COPB2: variants seen among roughly 807,000 people sequenced by gnomAD.
COPB2 encodes the protein coat protein complex I subunit beta 2.
COPB2 carries 16 observed loss-of-function variants against 120.8 expected under a neutral mutation model. The ratio of observed to expected loss-of-function variants is 0.13; its 90% CI spans 0.09 to 0.20. The LOEUF is 0.20. Ranked by LOEUF, COPB2 falls within the 10% of genes least tolerant of loss-of-function variation. The pLI, the probability that COPB2 is intolerant of heterozygous loss-of-function variation, is 1.00. For synonymous variants in COPB2, 332 were observed against 366.3 expected, an observed-to-expected ratio of 0.91 and a Z score of 1.07; for missense variants, 794 against 1,076.5, an observed-to-expected ratio of 0.74 and a Z score of 3.67.
intron 2 of COPB2, chr3:139,380,787 A>C (rs1253198367): frequency 6.6e-6 from 1 of 152,190 alleles, no homozygotes; most frequent in African/African-American, 2.4e-5. Flanking sequence ...TAACCTGTAG[A>C]ATCACTACCA....
At chr3:139,379,201 T>C (rs781631478) in intron 3 of COPB2, 28 bp from the exon 4 acceptor site, 1 of 1,577,460 alleles carries the variant, frequency 6.3e-7, no homozygotes. Flanking sequence ...AAAACCATCA[T>C]CCCTGTTATC....
At position 139,358,002 on chromosome 3, in the gene COPB2, TAAAGG is replaced by T. The variant is rs1313516177; in HGVS notation, c.2626-49_2626-45del. The T allele has an allele frequency of 5.0e-6, 6 of 1,202,594 alleles. No homozygotes were observed. The Admixed American group carries it at 8.8e-5, about 18-fold the overall frequency. The allele number at this position is 1,202,594 out of a possible 1,614,324, so 74.5% of individuals were successfully genotyped here. On this transcript the variant is annotated intron_variant, in intron 21 of 21. Coordinates refer to ENST00000333188, the MANE Select transcript of COPB2 (RefSeq NM_004766.3). ...GGGTAATTAAGTTTTACAGTACTGTTAAAGGAAAGTTATCCGTGGGTTCATGATTC... is the reference window on the plus strand; with the variant it reads ...GGGTAATTAAGTTTTACAGTACTGTTAAAGTTATCCGTGGGTTCATGATTC...
At chr3:139,374,838 T>G (rs115052594) in intron 6 of COPB2, among the ~76,000 whole-genome samples, 2,396 of 152,322 alleles carry the variant, frequency 0.016, 74 homozygotes, top group African/African-American at 0.054. Context: ...AAGAAGGCTT[T>G]TGTCTGAATA....
chr3:139,362,278 A>G, intron 16 of COPB2, 129 bp downstream of exon 16: 3 of 508,678 alleles, frequency 5.9e-6, no homozygotes, highest in African/African-American at 1.9e-5. Context: ...AGAGAGAGAC[A>G]ATAACTTCAA....
At chr3:139,363,666 C>T (rs2107798431) in intron 15 of COPB2, among the ~76,000 whole-genome samples, 1 of 152,330 alleles carries the variant, frequency 6.6e-6, no homozygotes, top group Non-Finnish European at 1.5e-5. Flanking sequence ...TTTACCTCTT[C>T]ACCAGACTGA....
At chr3:139,372,196 G>A (rs1158950724) in intron 9 of COPB2, among the ~76,000 whole-genome samples, 1 of 152,182 alleles carries the variant, frequency 6.6e-6, no homozygotes, top group East Asian at 1.9e-4. Flanking sequence ...CTAGAACTTT[G>A]CTCATGACAT....
At chr3:139,367,293 A>T in intron 13 of COPB2, 148 bp from the exon 14 acceptor site, 2 of 693,802 alleles carry the variant, frequency 2.9e-6, no homozygotes, top group Non-Finnish European at 2.1e-6. Flanking sequence ...TTTCCTTGGA[A>T]TTTTTTTTTT....
chr3:139,365,058 A>C (rs1269531630), intron 15 of COPB2, among the ~76,000 whole-genome samples: 1 of 152,248 alleles, frequency 6.6e-6, no homozygotes, highest in Non-Finnish European at 1.5e-5. Flanking sequence ...AGTGCAGGAC[A>C]TACAACATGA....
At chr3:139,378,621 C>T (rs112436770) in intron 4 of COPB2, among the ~76,000 whole-genome samples, 4 of 152,268 alleles carry the variant, frequency 2.6e-5, no homozygotes, top group African/African-American at 9.6e-5. Context: ...TTTCAAAGAG[C>T]TATTACTAAT....
rs1470479899 is a variant in COPB2, at chr3:139,362,509, C to T, written c.1893G>A (p.Lys631=). 2.5e-6 allele frequency: 4 copies of T among 1,602,436 alleles called. No individual in the cohort carries two copies. The highest frequency in any genetic ancestry group is 1.7e-6 in the Non-Finnish European group (2 of 1,175,688). ...VAHFLEKQGF[K]QQALTVSTDP... ...CTGTGGATACTGTAAGAGCTTGCTG[C>T]TTGAAGCCCTAAACAGATTTTTAAA... The change falls in exon 16 of 22, where the codon AAG becomes AAA. Residue 631 remains lysine (K), a synonymous_variant. Transcript: ENST00000333188.
chr3:139,369,112 T>C, intron 12 of COPB2, 149 bp downstream of exon 12: 1 of 538,170 alleles, frequency 1.9e-6, no homozygotes. Context: ...TAAGAAGTTA[T>C]TTAAATTCTA....
At chr3:139,374,015 A>C (rs1941672654) in intron 7 of COPB2, among the ~76,000 whole-genome samples, 2 of 152,200 alleles carry the variant, frequency 1.3e-5, no homozygotes. Context: ...AAAAACTAAG[A>C]ATTACGATTT....
intron 10 of COPB2, among the ~76,000 whole-genome samples, chr3:139,369,933 C>A (rs1255661761): frequency 1.3e-5 from 2 of 152,136 alleles, no homozygotes; most frequent in African/African-American, 2.4e-5. Flanking sequence ...TTATACTGAA[C>A]AAAAGATGCT....
intron 14 of COPB2, 73 bp from the exon 15 acceptor site, chr3:139,366,848 C>A (rs1941527597): frequency 6.5e-7 from 1 of 1,533,530 alleles, no homozygotes; most frequent in Non-Finnish European, 8.9e-7. Flanking sequence ...GCCAATCTCC[C>A]TCTTGCTCAA....
rs1941768331 is a variant in COPB2, at chr3:139,379,366, TATTA to T, written c.228+10_228+13del. The T allele has an allele frequency of 6.2e-7, 1 of 1,610,910 alleles. No homozygotes were observed. Among genetic ancestry groups the T allele is most frequent in the East Asian group, 2.2e-5 (1 of 44,846 alleles). ...TTCAGAAAATGGGAATAGAGATTCA[TATTA>T]ATTACTTACCGCTCCTGTCACAACC... is the stretch of plus-strand genomic sequence containing the variant. On this transcript the variant is annotated intron_variant, in intron 3 of 21. Transcript: ENST00000333188.
In COPB2 at chr3:139,368,300, C is replaced by T. The variant is rs752059805; in HGVS notation, c.1402-12G>A. Reference sequence around the variant, plus strand: ...TCAGACCAGAAAATCTGCAACACAACAAAATCATAGACAACTGATTTGGAT... The same window carrying T: ...TCAGACCAGAAAATCTGCAACACAATAAAATCATAGACAACTGATTTGGAT... On this transcript the variant is annotated splice_polypyrimidine_tract_variant and intron_variant, in intron 12 of 21. Transcript: ENST00000333188. 6.2e-7 allele frequency: 1 copy of T among 1,603,356 alleles called. No individual in the cohort carries two copies. The highest frequency in any genetic ancestry group is 1.1e-5 in the South Asian group (1 of 88,976).
intron 9 of COPB2, among the ~76,000 whole-genome samples, chr3:139,372,946 T>C (rs1445803366): frequency 1.3e-5 from 2 of 152,184 alleles, no homozygotes; most frequent in African/African-American, 4.8e-5. Flanking sequence ...ACAAACTCAA[T>C]GCATGCGAAA....
chr3:139,359,349 G>A lies in COPB2; in HGVS notation c.2224C>T (p.Leu742=), dbSNP rs749352854. ...YFLQGKVDAC[L]ELLIRTGRLP... ...CGTCCAGTTCTAATTAAGAGCTCTA[G>A]GCAGGCATCAACCCTAAACATTAAA... Residue 742 remains leucine (L), a synonymous_variant, in exon 18 of 22, where the codon CTA becomes TTA. Transcript: ENST00000333188. 16 of 1,613,922 alleles carry A rather than the reference G, an allele frequency of 9.9e-6. No individual in the cohort carries two copies. The African/African-American group carries it at 1.1e-4, about 11-fold the overall frequency.
At chr3:139,361,528 G>A (rs144436383) in intron 16 of COPB2, among the ~76,000 whole-genome samples, 15 of 151,814 alleles carry the variant, frequency 9.9e-5, no homozygotes, top group African/African-American at 2.4e-4. Flanking sequence ...AATAATTATC[G>A]TCAACCCATT....
Sources: allele counts gnomAD v4.1 joint callset (sites outside exome capture counted in the v4.1 genomes callset), GRCh38; gene constraint gnomAD v4.1.1; transcripts MANE v1.5; gene names NCBI Gene and HGNC (gene_info 2026-07-23, HGNC 2026-07-21).